ADAMTS9: variants seen among roughly 807,000 people sequenced by gnomAD.
ADAMTS9 encodes ADAM metallopeptidase with thrombospondin type 1 motif 9.
A neutral mutation model predicts 257.1 loss-of-function variants in ADAMTS9; 107 were observed. That is an observed-to-expected ratio of 0.42 (90% CI 0.36 to 0.49). The LOEUF (loss-of-function observed/expected upper bound fraction) is 0.49. ADAMTS9 is among the 20% of genes least tolerant of loss of function. The probability of loss-of-function intolerance (pLI) is 0.03; values close to 1 mark genes in which losing one functional copy is unlikely to be tolerated. For synonymous variants in ADAMTS9, 982 were observed against 880.9 expected (o/e 1.11, Z -2.03); for missense variants, 2,353 against 2,469.1 (o/e 0.95, Z 1.00).
chr3:64,648,187 G>C (rs1700843424), intron 10 of ADAMTS9, 143 bp from the exon 11 acceptor site: 2 of 733,056 alleles, frequency 2.7e-6, no homozygotes, highest in Non-Finnish European at 4.4e-6. Flanking sequence ...TATGATAAAT[G>C]CTAAAATATA....
intron 38 of ADAMTS9, among the ~76,000 whole-genome samples, chr3:64,525,848 C>T (rs974460173): frequency 8.6e-5 from 13 of 151,160 alleles, no homozygotes; most frequent in Non-Finnish European, 1.3e-4. Flanking sequence ...TGACCTCAAC[C>T]GATCTGCTGA....
At chr3:64,677,026 C>A (rs1701638659) in intron 3 of ADAMTS9, among the ~76,000 whole-genome samples, 10 of 152,156 alleles carry the variant, frequency 6.6e-5, no homozygotes, top group Admixed American at 6.6e-4. Context: ...TAGAGAGTGT[C>A]CGTGAAACAG....
chr3:64,631,839 T>G lies in ADAMTS9; in HGVS notation c.2262A>C (p.Thr754=), dbSNP rs1424817784. The G allele has an allele frequency of 2.5e-6, 4 of 1,613,858 alleles. No individual in the cohort carries two copies. Among genetic ancestry groups the G allele is most frequent in the Non-Finnish European group, 3.4e-6 (4 of 1,179,856 alleles). The stretch of plus-strand genomic sequence containing the variant: ...GTACTGTATTAAATGTTCCTGCCAC[T>G]GTTTTGCATGAAGAATTATCGCCAC... ...VCGGDNSSCK[T]VAGTFNTVHY... Residue 754 remains threonine (T), a synonymous_variant, in exon 15 of 40, where the codon ACA becomes ACC. Transcript: ENST00000498707.
At chr3:64,533,117 G>A (rs866855710) in intron 38 of ADAMTS9, 49 bp downstream of exon 38, 4 of 1,519,154 alleles carry the variant, frequency 2.6e-6, no homozygotes, top group South Asian at 2.3e-5. Flanking sequence ...AGACAAGAAC[G>A]AAAGAAAGAA....
intron 35 of ADAMTS9, 45 bp downstream of exon 35, chr3:64,541,274 CA>C: frequency 6.2e-7 from 1 of 1,613,922 alleles, no homozygotes; most frequent in African/African-American, 1.3e-5. Context: ...AAAGCATTTC[CA>C]GGGATCTCCA....
intron 31 of ADAMTS9, among the ~76,000 whole-genome samples, chr3:64,548,427 C>G (rs189674245): frequency 2.0e-5 from 3 of 152,334 alleles, no homozygotes; most frequent in Non-Finnish European, 4.4e-5. Context: ...ATGCAGATGG[C>G]TAACAAACTC....
chr3:64,615,835 G>A (rs775628721), intron 20 of ADAMTS9, 125 bp downstream of exon 20: 2 of 1,128,550 alleles, frequency 1.8e-6, no homozygotes, highest in South Asian at 1.4e-5. Context: ...ATGGGGTCAG[G>A]CATTACAAAT....
chr3:64,655,560 T>C lies in ADAMTS9; in HGVS notation c.1169+16A>G, dbSNP rs763153452. The C allele has an allele frequency of 6.3e-7, 1 of 1,590,196 alleles. No individual in the cohort carries two copies. Among genetic ancestry groups the C allele is most frequent in the East Asian group, 2.2e-5 (1 of 44,762 alleles). ...ACCTGAGACTGAAAGATCTGAGGAA[T>C]AAGAAATCCATATACCTTGTTAAGA... On this transcript the variant is annotated intron_variant, in intron 6 of 39. Transcript: ENST00000498707.
chr3:64,519,481 C>A (rs2082822824), intron 39 of ADAMTS9, among the ~76,000 whole-genome samples: 1 of 152,002 alleles, frequency 6.6e-6, no homozygotes. Context: ...CAATACCTGG[C>A]AAAAACACAA....
At chr3:64,548,685 A>G (rs1316035549) in intron 31 of ADAMTS9, among the ~76,000 whole-genome samples, 1 of 152,136 alleles carries the variant, frequency 6.6e-6, no homozygotes, top group Non-Finnish European at 1.5e-5. Flanking sequence ...CCACATCTCT[A>G]TAAAGAAGCT....
rs368506486 is a variant in ADAMTS9 at position 64,622,298 on chromosome 3, G to A, written c.2586C>T (p.Pro862=). 1.9e-5 allele frequency: 31 copies of A among 1,613,526 alleles called. No homozygotes were observed. The highest frequency in any genetic ancestry group is 1.2e-4 in the African/African-American group (9 of 74,756). Residue 862 remains proline (P), a synonymous_variant, in exon 18 of 40, where the codon CCC becomes CCT. Coordinates refer to ENST00000498707, the MANE Select transcript of ADAMTS9 (RefSeq NM_182920.2). The part of the protein sequence containing the change: ...QVLSVGKLYN[P]DVRYSFNIPI... ...GAATATTGAAAGAATAGCGTACATC[G>A]GGGTTGTACAACTTTCCCACCGACA...
chr3:64,658,874 G>T, intron 3 of ADAMTS9, 83 bp from the exon 4 acceptor site: 2 of 1,417,104 alleles, frequency 1.4e-6, no homozygotes, highest in Non-Finnish European at 1.9e-6. Flanking sequence ...ATTTTAAATT[G>T]ATCCCTCTGT....
intron 37 of ADAMTS9, among the ~76,000 whole-genome samples, chr3:64,537,010 T>G (rs2083059609): frequency 6.6e-6 from 1 of 152,208 alleles, no homozygotes; most frequent in Non-Finnish European, 1.5e-5. Flanking sequence ...TCCGAAGCAG[T>G]CTCCACAATC....
intron 3 of ADAMTS9, among the ~76,000 whole-genome samples, chr3:64,673,362 A>AGACTGGCCTTGCT (rs1202978086): frequency 6.6e-6 from 1 of 152,208 alleles, no homozygotes; most frequent in Admixed American, 6.5e-5. Flanking sequence ...CTGGCCTTGC[A>AGACTGGCCTTGCT]GACTGGCCTT....
At position 64,687,818 on chromosome 3, in the gene ADAMTS9, C is replaced by T; in HGVS notation, c.-161G>A. On this transcript the variant is annotated 5_prime_UTR_variant, in exon 1 of 40. Transcript: ENST00000498707. The surrounding 1 kb of genome is among the most constrained non-coding windows in gnomAD (Gnocchi z 4.4). ...TCGCTGAGGTCTCGCTGCGAGGGTC[C>T]CGTCTGCGCTCGGCTGAGCAACGCC... The T allele has an allele frequency of 1.9e-6, 1 of 526,204 alleles. No homozygotes were observed. The highest frequency in any genetic ancestry group is 3.3e-6 in the Non-Finnish European group (1 of 302,400). The allele number at this position is 526,204 out of a possible 1,614,324, so 32.6% of individuals were successfully genotyped here.
chr3:64,627,147 A>T (rs553541767), intron 16 of ADAMTS9, among the ~76,000 whole-genome samples: 54 of 152,292 alleles, frequency 3.5e-4, no homozygotes, highest in African/African-American at 1.2e-3. Context: ...GTGATAATCC[A>T]GTGTGGTCAT....
Position 64,548,111 on chromosome 3 carries a change from T to C in ADAMTS9, c.4870-1159A>G, listed in dbSNP as rs903090403. Among the ~76,000 whole-genome samples the C allele has an allele frequency of 2.6e-5, 4 of 152,258 alleles. No individual in the cohort carries two copies. The East Asian group carries it at 7.7e-4, about 29-fold the overall frequency. ...GTGAGGGACCACAGCTTTCATCAAT[T>C]CTCAAGGGCAGTGAGAAGCCACAGT... On this transcript the variant is annotated intron_variant, in intron 31 of 39. Transcript: ENST00000498707.
At chr3:64,640,024 C>G (rs1006605484) in intron 12 of ADAMTS9, among the ~76,000 whole-genome samples, 3 of 152,020 alleles carry the variant, frequency 2.0e-5, no homozygotes, top group Non-Finnish European at 2.9e-5. Flanking sequence ...ATGTTTGTGT[C>G]TGAATTTTTT....
At chr3:64,564,150 C>A (rs888730078) in intron 29 of ADAMTS9, among the ~76,000 whole-genome samples, 6 of 152,200 alleles carry the variant, frequency 3.9e-5, no homozygotes, top group African/African-American at 1.4e-4. Context: ...GTGCTCCCCC[C>A]ACAGCCATCA....
Sources: gnomAD v4.1 joint callset for allele counts (sites outside exome capture counted in the v4.1 genomes callset) on GRCh38, gnomAD v4.1.1 for gene constraint, Gnocchi (gnomAD v3.1) non-coding constraint, MANE v1.5 for transcripts, NCBI Gene and HGNC (gene_info 2026-07-23, HGNC 2026-07-21) for gene names.